Variants in RNF216 observed in about 807,000 individuals in gnomAD.
The protein encoded by RNF216 is ring finger protein 216.
In RNF216, 72 loss-of-function variants were observed where a neutral mutation model predicts 110.8. That is an observed-to-expected ratio of 0.65 (90% CI 0.54 to 0.79). RNF216 has a LOEUF of 0.79. Among genes scored for constraint, RNF216 ranks in the 30% least tolerant of loss-of-function variants. The pLI is 0.00. For synonymous variants in RNF216, 495 were observed against 407.5 expected (o/e 1.21, Z -2.59); for missense variants, 1,342 against 1,141.2 (o/e 1.18, Z -2.54).
chr7:5,670,875 G>C (rs1789863639), intron 13 of RNF216, among the ~76,000 whole-genome samples: 1 of 152,146 alleles, frequency 6.6e-6, no homozygotes, highest in South Asian at 2.1e-4. Flanking sequence ...CTTTTTCAGG[G>C]GTGAGGGTCC....
rs569683904 is a variant in RNF216 at position 5,686,434 on chromosome 7, T to C, written c.2061+25327A>G. ...CTCTGATGAGGAAAGTCAGAGTAAATGATGTGCGGACAGTCACACAGTGGT... is the reference window on the plus strand; with the variant it reads ...CTCTGATGAGGAAAGTCAGAGTAAACGATGTGCGGACAGTCACACAGTGGT... On this transcript the variant is annotated intron_variant, in intron 13 of 16. Transcript: ENST00000389902. 3.3e-5 allele frequency among the ~76,000 whole-genome samples: 5 copies of C among 152,150 alleles called. No individual in the cohort carries two copies. In the East Asian group the frequency reaches 7.7e-4, roughly 24 times the overall value.
chr7:5,763,311 T>C (rs1796028031), intron 1 of RNF216, among the ~76,000 whole-genome samples: 1 of 152,156 alleles, frequency 6.6e-6, no homozygotes, highest in South Asian at 2.1e-4. Flanking sequence ...AATGGATGGA[T>C]TTTATTTTAA....
At chr7:5,756,259 T>C (rs899622127) in intron 2 of RNF216, among the ~76,000 whole-genome samples, 1 of 152,184 alleles carries the variant, frequency 6.6e-6, no homozygotes, top group Non-Finnish European at 1.5e-5. Context: ...TTCCCAGCAA[T>C]ATGGAACTGT....
intron 2 of RNF216, among the ~76,000 whole-genome samples, chr7:5,755,295 T>C (rs889638563): frequency 1.3e-5 from 2 of 151,990 alleles, no homozygotes; most frequent in Non-Finnish European, 2.9e-5. Context: ...TAAAGTCCAG[T>C]GTTTGACAAG....
At chr7:5,701,329 A>G (rs1163165277) in intron 13 of RNF216, among the ~76,000 whole-genome samples, 1 of 152,018 alleles carries the variant, frequency 6.6e-6, no homozygotes, top group Non-Finnish European at 1.5e-5. Context: ...CCCTGATGGG[A>G]TTTTCCACCT....
chr7:5,744,730 T>A (rs914747081), intron 3 of RNF216, among the ~76,000 whole-genome samples: 85 of 152,206 alleles, frequency 5.6e-4, no homozygotes, highest in African/African-American at 2.0e-3. Context: ...CCCAGCACTT[T>A]GGGAGCCTGA....
At chr7:5,642,912 C>T (rs1009001852) in intron 14 of RNF216, among the ~76,000 whole-genome samples, 1 of 152,064 alleles carries the variant, frequency 6.6e-6, no homozygotes, top group East Asian at 1.9e-4. Context: ...GTGTGGCACT[C>T]CAGTTGCCTG....
At chr7:5,629,713 A>C (rs997201752) in intron 15 of RNF216, among the ~76,000 whole-genome samples, 1 of 151,002 alleles carries the variant, frequency 6.6e-6, no homozygotes, top group Non-Finnish European at 1.5e-5. Context: ...TGTAATCTCA[A>C]CTACTCGGGA....
intron 13 of RNF216, among the ~76,000 whole-genome samples, chr7:5,653,547 G>A (rs1402731634): frequency 7.5e-6 from 1 of 133,144 alleles, no homozygotes; most frequent in Non-Finnish European, 1.5e-5. Context: ...CTTGCAGTGA[G>A]CCGAGATCGC....
Position 5,622,942 on chromosome 7 carries a change from T to C in RNF216, c.2690A>G (p.Asn897Ser), listed in dbSNP as rs200847164. ...YVPPLPNVRV[N>S]YDFGPIHMPL... is the part of the protein sequence containing the mutation. ...CATGTGGATGGGACCGAAGTCATAG[T>C]TGACCCGCACGTTGGGCAGAGGGGG... is the stretch of plus-strand genomic sequence containing the variant. Residue 897 changes from asparagine to serine, a missense_variant, in exon 17 of 17, where the codon AAC becomes AGC. Transcript: ENST00000389902. 61 of 1,613,974 alleles carry C rather than the reference T, an allele frequency of 3.8e-5. No individual in the cohort carries two copies. Among genetic ancestry groups the C allele is most frequent in the South Asian group, 4.4e-5 (4 of 91,082 alleles).
intron 15 of RNF216, among the ~76,000 whole-genome samples, chr7:5,634,377 A>T (rs1018245902): frequency 1.3e-5 from 2 of 152,194 alleles, no homozygotes; most frequent in Non-Finnish European, 2.9e-5. Flanking sequence ...CAATGATTTC[A>T]TGAGAGGCTT....
chr7:5,756,082 G>T (rs1795625462), intron 2 of RNF216, among the ~76,000 whole-genome samples: 1 of 151,462 alleles, frequency 6.6e-6, no homozygotes, highest in Admixed American at 6.6e-5. Context: ...TCGGATCATG[G>T]GGGCAGTTTC....
chr7:5,677,177 G>C (rs1790352029), intron 13 of RNF216, among the ~76,000 whole-genome samples: 1 of 152,212 alleles, frequency 6.6e-6, no homozygotes, highest in South Asian at 2.1e-4. Flanking sequence ...AATTTGTCCA[G>C]GTGTTAATTT....
chr7:5,701,928 G>C (rs947548625), intron 13 of RNF216, among the ~76,000 whole-genome samples: 1 of 152,202 alleles, frequency 6.6e-6, no homozygotes, highest in Non-Finnish European at 1.5e-5. Context: ...TTCGTGACTG[G>C]TCTCCTGAGA....
At chr7:5,679,827 A>G (rs1045453299) in intron 13 of RNF216, among the ~76,000 whole-genome samples, 2 of 152,064 alleles carry the variant, frequency 1.3e-5, no homozygotes, top group Non-Finnish European at 2.9e-5. Context: ...TCAGCAGGAG[A>G]GACTATCATG....
At chr7:5,623,400 C>T (rs935239509) in intron 16 of RNF216, among the ~76,000 whole-genome samples, 1 of 152,154 alleles carries the variant, frequency 6.6e-6, no homozygotes, top group African/African-American at 2.4e-5. Flanking sequence ...GGTGGCACGT[C>T]CACCCACCCA....
intron 13 of RNF216, 60 bp from the exon 14 acceptor site, chr7:5,652,570 T>C (rs1317647650): frequency 8.9e-7 from 1 of 1,124,000 alleles, no homozygotes; most frequent in Non-Finnish European, 1.4e-6. Flanking sequence ...CAGAAGTTCC[T>C]GTTCAACAAA....
intron 13 of RNF216, among the ~76,000 whole-genome samples, chr7:5,709,456 T>C (rs374227655): frequency 6.6e-6 from 1 of 152,188 alleles, no homozygotes; most frequent in Non-Finnish European, 1.5e-5. Flanking sequence ...GTTCTCTCTA[T>C]GGGAAAAAGA....
At chr7:5,712,688 G>C in intron 12 of RNF216, 27 bp downstream of exon 12, 3 of 1,612,916 alleles carry the variant, frequency 1.9e-6, no homozygotes, top group Non-Finnish European at 2.5e-6. Context: ...AGAGTTGGCA[G>C]ATGGCACGCT....
Sources: gnomAD v4.1 joint callset for allele counts (sites outside exome capture counted in the v4.1 genomes callset) on GRCh38, gnomAD v4.1.1 for gene constraint, MANE v1.5 for transcripts, NCBI Gene and HGNC (gene_info 2026-07-23, HGNC 2026-07-21) for gene names.